CEP63: variants seen among roughly 807,000 people sequenced by gnomAD.
CEP63 encodes centrosomal protein of 63 kDa.
CEP63 carries 84 observed loss-of-function variants against 89.1 expected under a neutral mutation model. The ratio of observed to expected loss-of-function variants is 0.94; its 90% CI spans 0.79 to 1.13. The LOEUF is 1.13. Among genes scored for constraint, CEP63 ranks in the 50% most tolerant of loss-of-function variants. The pLI, the probability that CEP63 is intolerant of heterozygous loss-of-function variation, is 0.00. For missense variants in CEP63, 838 were observed against 813.3 expected, an observed-to-expected ratio of 1.03 and a Z score of -0.37; for synonymous variants, 267 against 272.5, an observed-to-expected ratio of 0.98 and a Z score of 0.20.
At chr3:134,714,915 G>A in the CEP63 span, among the ~76,000 whole-genome samples, 5 of 152,290 alleles carry the variant, frequency 3.3e-5, no homozygotes, top group African/African-American at 4.8e-5. Flanking sequence ...ATAAGACAAC[G>A]GGCTAAATGC....
chr3:134,719,462 G>C, the CEP63 span, among the ~76,000 whole-genome samples: 4 of 152,156 alleles, frequency 2.6e-5, no homozygotes, highest in Admixed American at 2.6e-4. Flanking sequence ...TTTTTAAAGA[G>C]TTTTATTGAG....
the CEP63 span, among the ~76,000 whole-genome samples, chr3:134,652,227 C>G: frequency 6.6e-6 from 1 of 152,094 alleles, no homozygotes; most frequent in Non-Finnish European, 1.5e-5. Context: ...GAATGTAAGG[C>G]GCCTGGTGTA....
chr3:134,625,020 G>A, the CEP63 span: 1 of 1,557,842 alleles, frequency 6.4e-7, no homozygotes, highest in Non-Finnish European at 8.7e-7. Context: ...CCACCTTGAA[G>A]GGGCCCATGG....
At chr3:134,628,602 AT>A in the CEP63 span, among the ~76,000 whole-genome samples, 25 of 152,242 alleles carry the variant, frequency 1.6e-4, no homozygotes, top group African/African-American at 4.6e-4. Flanking sequence ...TCACACCTAC[AT>A]TTTTTTCCCA....
the CEP63 span, among the ~76,000 whole-genome samples, chr3:134,646,422 T>C: frequency 2.0e-5 from 3 of 152,158 alleles, no homozygotes; most frequent in East Asian, 3.8e-4. Flanking sequence ...TCCCCTGCAG[T>C]GCATTATAAT....
chr3:134,700,544 G>C, the CEP63 span, among the ~76,000 whole-genome samples: 4 of 152,156 alleles, frequency 2.6e-5, no homozygotes, highest in South Asian at 8.3e-4. Context: ...TATACTGTTA[G>C]CATTTGATTT....
the CEP63 span, among the ~76,000 whole-genome samples, chr3:134,729,092 T>C: frequency 6.6e-6 from 1 of 152,206 alleles, no homozygotes; most frequent in Admixed American, 6.5e-5. Context: ...ATTTTTAATT[T>C]TTAAAAATGT....
chr3:134,565,647 T>C (rs1023757687), downstream of CEP63, among the ~76,000 whole-genome samples: 1 of 151,974 alleles, frequency 6.6e-6, no homozygotes, highest in Non-Finnish European at 1.5e-5. Context: ...GCTGTAAACA[T>C]TGATTCACTA....
chr3:134,507,185 T>C lies in CEP63; in HGVS notation c.121T>C (p.Ser41Pro). 1 of 1,613,694 alleles carries C rather than the reference T, an allele frequency of 6.2e-7. No homozygotes were observed. Among genetic ancestry groups the C allele is most frequent in the Non-Finnish European group, 8.5e-7 (1 of 1,179,854 alleles). Reference protein sequence around the residue: ...QIDIMVAHKKSEWEGRTHALE... With the variant: ...QIDIMVAHKKPEWEGRTHALE... Reference sequence around the variant, plus strand: ...TGACATAATGGTGGCTCATAAAAAATCTGAATGGGAAGGACGTACACATGC... The same window carrying C: ...TGACATAATGGTGGCTCATAAAAAACCTGAATGGGAAGGACGTACACATGC... Residue 41 changes from serine to proline, a missense_variant, in exon 3 of 15, where the codon TCT (serine) becomes CCT (proline). Coordinates refer to ENST00000675561, the MANE Select transcript of CEP63 (RefSeq NM_001353108.3).
the CEP63 span, among the ~76,000 whole-genome samples, chr3:134,730,322 G>A: frequency 2.0e-5 from 3 of 152,106 alleles, no homozygotes; most frequent in African/African-American, 7.2e-5. Context: ...AAATATTTAG[G>A]CGAGGCAGGT....
the CEP63 span, chr3:134,608,209 T>TGTTCTGACCTG: frequency 8.4e-7 from 1 of 1,185,052 alleles, no homozygotes; most frequent in South Asian, 1.6e-5. Context: ...AGCAGGCCAG[T>TGTTCTGACCTG]AGCTTCTGTT....
the CEP63 span, among the ~76,000 whole-genome samples, chr3:134,738,968 A>AT: frequency 4.4e-4 from 19 of 42,990 alleles, no homozygotes; most frequent in South Asian, 3.9e-3. Flanking sequence ...GGCTATAATA[A>AT]AAAAAAAAAA....
chr3:134,645,340 G>A, the CEP63 span, among the ~76,000 whole-genome samples: 1 of 152,200 alleles, frequency 6.6e-6, no homozygotes, highest in African/African-American at 2.4e-5. Context: ...GGTAGCAAGA[G>A]GGGGAAAATG....
chr3:134,669,178 C>T, the CEP63 span, among the ~76,000 whole-genome samples: 1 of 151,914 alleles, frequency 6.6e-6, no homozygotes, highest in Non-Finnish European at 1.5e-5. Context: ...GGCATGTGCC[C>T]CTACACGCGG....
chr3:134,744,966 A>G, the CEP63 span, among the ~76,000 whole-genome samples: 2 of 152,222 alleles, frequency 1.3e-5, no homozygotes, highest in Non-Finnish European at 2.9e-5. Context: ...CATACTTTTA[A>G]GCATATAATT....
chr3:134,543,477 T>A (rs1246087601), intron 6 of CEP63, among the ~76,000 whole-genome samples: 2 of 152,190 alleles, frequency 1.3e-5, no homozygotes, highest in Non-Finnish European at 2.9e-5. Context: ...AAGGTTATGT[T>A]CTCCATTCTT....
the CEP63 span, among the ~76,000 whole-genome samples, chr3:134,734,053 G>A: frequency 6.6e-6 from 1 of 152,202 alleles, no homozygotes; most frequent in African/African-American, 2.4e-5. Flanking sequence ...ATATTTAAAG[G>A]CATAAGAATT....
chr3:134,527,838 G>A (rs935014995), intron 3 of CEP63, among the ~76,000 whole-genome samples: 4 of 152,140 alleles, frequency 2.6e-5, no homozygotes, highest in African/African-American at 7.2e-5. Flanking sequence ...AGATGAGACC[G>A]GCCCCATATG....
At chr3:134,504,930 TATTGA>T (rs1009190360) in intron 2 of CEP63, among the ~76,000 whole-genome samples, 2 of 152,220 alleles carry the variant, frequency 1.3e-5, no homozygotes, top group African/African-American at 4.8e-5. Context: ...AAATTTCATT[TATTGA>T]ATTCTTCAGT....
Sources: allele counts gnomAD v4.1 joint callset (sites outside exome capture counted in the v4.1 genomes callset), GRCh38; gene constraint gnomAD v4.1.1; transcripts MANE v1.5; gene names NCBI Gene and HGNC (gene_info 2026-07-23, HGNC 2026-07-21).